Variants in LDLRAD3 observed in about 807,000 individuals in gnomAD.
LDLRAD3 encodes the protein low-density lipoprotein receptor class A domain-containing protein 3.
A neutral mutation model predicts 29.4 loss-of-function variants in LDLRAD3; 20 were observed. The observed-to-expected ratio is 0.68, with a 90% confidence interval of 0.48 to 0.99. LDLRAD3 has a LOEUF of 0.99. Ranked by LOEUF, LDLRAD3 falls within the 50% of genes least tolerant of loss-of-function variation. The pLI, the probability that LDLRAD3 is intolerant of heterozygous loss-of-function variation, is 0.00. For missense variants in LDLRAD3, 420 were observed against 454.3 expected (o/e 0.92, Z 0.69); for synonymous variants, 157 against 192.7 (o/e 0.81, Z 1.53).
At chr11:36,089,602 C>G (rs1270686004) in intron 3 of LDLRAD3, among the ~76,000 whole-genome samples, 2 of 151,714 alleles carry the variant, frequency 1.3e-5, no homozygotes, top group African/African-American at 4.8e-5. Context: ...TAATTTTTGC[C>G]CAATACATAT....
At chr11:36,146,160 C>T (rs1377007125) in intron 4 of LDLRAD3, among the ~76,000 whole-genome samples, 2 of 152,190 alleles carry the variant, frequency 1.3e-5, no homozygotes, top group African/African-American at 2.4e-5. Flanking sequence ...AGTCACTGCT[C>T]AGCCTCCTGA....
At chr11:36,201,152 G>T (rs1217585003) in intron 4 of LDLRAD3, among the ~76,000 whole-genome samples, 1 of 152,186 alleles carries the variant, frequency 6.6e-6, no homozygotes, top group African/African-American at 2.4e-5. Context: ...GAAACCACAT[G>T]CTGGTCTTCT....
At chr11:36,160,924 A>G (rs1309137781) in intron 4 of LDLRAD3, among the ~76,000 whole-genome samples, 1 of 152,100 alleles carries the variant, frequency 6.6e-6, no homozygotes, top group Non-Finnish European at 1.5e-5. Context: ...CCTCCCGAGT[A>G]GTTGGGATTA....
intron 4 of LDLRAD3, among the ~76,000 whole-genome samples, chr11:36,188,213 A>G (rs551261934): frequency 1.1e-4 from 16 of 152,112 alleles, no homozygotes; most frequent in Admixed American, 5.9e-4. Flanking sequence ...GGTGCCTTCA[A>G]TAGTTGAGGG....
chr11:36,087,619 A>G (rs1462264819), intron 3 of LDLRAD3, among the ~76,000 whole-genome samples: 1 of 152,186 alleles, frequency 6.6e-6, no homozygotes, highest in Non-Finnish European at 1.5e-5. Flanking sequence ...AGAGAGTTAT[A>G]TTTTTAAAGA....
intron 1 of LDLRAD3, among the ~76,000 whole-genome samples, chr11:36,010,627 G>A (rs1054957270): frequency 4.1e-4 from 62 of 152,120 alleles, no homozygotes; most frequent in African/African-American, 1.4e-3. Flanking sequence ...GGCACTTAAA[G>A]CTTTTCCCAC....
rs544896172 is a variant in LDLRAD3, at chr11:36,124,747, A to G, written c.454+26286A>G. Among the ~76,000 whole-genome samples the G allele has an allele frequency of 3.0e-4, 45 of 148,508 alleles. 1 individual carries two copies. In the South Asian group the frequency reaches 7.0e-3, roughly 23 times the overall value. On this transcript the variant is annotated intron_variant, in intron 4 of 5. Transcript: ENST00000315571. Reference sequence around the variant, plus strand: ...CACTCTGTCGCCCAGGCTGGAGTGCAGTGGCATGATCTTGGCTCACTGCAA... The same window carrying G: ...CACTCTGTCGCCCAGGCTGGAGTGCGGTGGCATGATCTTGGCTCACTGCAA...
At chr11:36,112,103 G>C (rs1343469310) in intron 4 of LDLRAD3, among the ~76,000 whole-genome samples, 1 of 150,502 alleles carries the variant, frequency 6.6e-6, no homozygotes, top group African/African-American at 2.5e-5. Flanking sequence ...AATAGAGAGA[G>C]AATAAGTTTG....
chr11:36,012,932 T>G (rs891124474), intron 1 of LDLRAD3, among the ~76,000 whole-genome samples: 2 of 152,338 alleles, frequency 1.3e-5, no homozygotes, highest in African/African-American at 4.8e-5. Flanking sequence ...AGGTTGGAAA[T>G]TTATGCAGTT....
At chr11:35,972,786 C>T (rs1268454026) in intron 1 of LDLRAD3, 1 of 152,138 alleles carries the variant, frequency 6.6e-6, no homozygotes, top group Non-Finnish European at 1.5e-5. Flanking sequence ...CGCGGTGGCT[C>T]ACGCCTGTAA....
At position 36,179,552 on chromosome 11, in the gene LDLRAD3, C is replaced by T. The variant is rs368597435; in HGVS notation, c.455-47533C>T. 6.6e-5 allele frequency among the ~76,000 whole-genome samples: 10 copies of T among 152,278 alleles called. No individual in the cohort carries two copies. The East Asian group carries it at 1.4e-3, about 21-fold the overall frequency. ...CAGAAGTTCATTGCTACTAAAACACCTTGTGAGAACCACTGGGGCAGTGGA... is the reference window on the plus strand; with the variant it reads ...CAGAAGTTCATTGCTACTAAAACACTTTGTGAGAACCACTGGGGCAGTGGA... On this transcript the variant is annotated intron_variant, in intron 4 of 5. Coordinates refer to ENST00000315571, the MANE Select transcript of LDLRAD3 (RefSeq NM_174902.4).
At chr11:36,199,585 ACACG>A (rs1554973188) in intron 4 of LDLRAD3, among the ~76,000 whole-genome samples, 1 of 150,470 alleles carries the variant, frequency 6.6e-6, no homozygotes, top group Middle Eastern at 3.4e-3. Context: ...ACACACACAC[ACACG>A]CACGCACGCG....
At chr11:35,972,510 T>C (rs1260138546) in intron 1 of LDLRAD3, 1 of 152,158 alleles carries the variant, frequency 6.6e-6, no homozygotes, top group Non-Finnish European at 1.5e-5. Flanking sequence ...CTGCACAGTT[T>C]ACTGGTTACC....
At chr11:36,076,639 G>A (rs1853013122) in intron 2 of LDLRAD3, among the ~76,000 whole-genome samples, 1 of 152,112 alleles carries the variant, frequency 6.6e-6, no homozygotes, top group South Asian at 2.1e-4. Context: ...ACCCACCTCG[G>A]CCTCCCAAAG....
At chr11:35,955,307 C>A (rs1851187944) in intron 1 of LDLRAD3, among the ~76,000 whole-genome samples, 1 of 152,148 alleles carries the variant, frequency 6.6e-6, no homozygotes, top group South Asian at 2.1e-4. Context: ...AATTGGTTAT[C>A]TTCTGGTCTA....
chr11:36,160,909 C>T (rs1854430302), intron 4 of LDLRAD3, among the ~76,000 whole-genome samples: 2 of 152,234 alleles, frequency 1.3e-5, no homozygotes, highest in South Asian at 4.2e-4. Context: ...ATTCTCCTGC[C>T]TCACCCTCCC....
chr11:36,136,846 A>G (rs1413416835), intron 4 of LDLRAD3, among the ~76,000 whole-genome samples: 3 of 152,034 alleles, frequency 2.0e-5, no homozygotes, highest in Non-Finnish European at 4.4e-5. Context: ...GTGTGCCACC[A>G]CAGCTGGCTA....
intron 1 of LDLRAD3, among the ~76,000 whole-genome samples, chr11:35,997,905 G>A (rs753562856): frequency 7.9e-4 from 120 of 152,296 alleles, no homozygotes; most frequent in Admixed American, 2.2e-3. Flanking sequence ...CTGTCTTTTC[G>A]CTGTCATCTG....
At chr11:36,216,528 A>G (rs571986492) in intron 4 of LDLRAD3, among the ~76,000 whole-genome samples, 1 of 152,230 alleles carries the variant, frequency 6.6e-6, no homozygotes, top group Non-Finnish European at 1.5e-5. Flanking sequence ...TATCCAAAAA[A>G]TAACCCTAGG....
Sources: allele counts gnomAD v4.1 joint callset (sites outside exome capture counted in the v4.1 genomes callset), GRCh38; gene constraint gnomAD v4.1.1; transcripts MANE v1.5; gene names NCBI Gene and HGNC (gene_info 2026-07-23, HGNC 2026-07-21).